ANXA8: variants seen among roughly 807,000 people sequenced by gnomAD.
The protein encoded by ANXA8 is VAC-beta.
Under a neutral mutation model 26.8 loss-of-function variants are expected in ANXA8, and 9 were observed. The observed-to-expected ratio is 0.34, with a 90% confidence interval of 0.20 to 0.59. ANXA8 has a LOEUF of 0.59. Among genes scored for constraint, ANXA8 ranks in the 20% least tolerant of loss-of-function variants. ANXA8 has a pLI of 0.84. For synonymous variants in ANXA8, 39 were observed against 94.8 expected, an observed-to-expected ratio of 0.41 and a Z score of 3.42; for missense variants, 83 against 238.5, an observed-to-expected ratio of 0.35 and a Z score of 4.29.
At chr10:47,682,763 C>T in the ANXA8 span, among the ~76,000 whole-genome samples, 4 of 152,040 alleles carry the variant, frequency 2.6e-5, no homozygotes, top group Admixed American at 2.6e-4. Context: ...ACCCACTGCA[C>T]CTGGCCTCAC....
the ANXA8 span, among the ~76,000 whole-genome samples, chr10:47,658,894 CAG>C: frequency 7.1e-6 from 1 of 141,702 alleles, no homozygotes; most frequent in South Asian, 2.1e-4. Context: ...TTATTTGAGA[CAG>C]AGTCTTGCTC....
the ANXA8 span, among the ~76,000 whole-genome samples, chr10:47,578,178 T>C: frequency 3.7e-5 from 2 of 54,200 alleles, 1 homozygote; most frequent in African/African-American, 1.2e-4. Context: ...TTGCTGTGTG[T>C]GATGGCACGT....
At chr10:47,767,891 T>C in the ANXA8 span, among the ~76,000 whole-genome samples, 1 of 148,656 alleles carries the variant, frequency 6.7e-6, no homozygotes, top group African/African-American at 2.5e-5. Context: ...TGGGGACCTA[T>C]GTTGTCCTGG....
At chr10:47,554,434 G>A in the ANXA8 span, among the ~76,000 whole-genome samples, 1 of 151,030 alleles carries the variant, frequency 6.6e-6, no homozygotes, top group Non-Finnish European at 1.5e-5. Flanking sequence ...CCCGGGAAAG[G>A]GGCTTTCCCT....
the ANXA8 span, among the ~76,000 whole-genome samples, chr10:47,974,569 T>C: frequency 0.75 from 107,511 of 143,692 alleles, 40,600 homozygotes; most frequent in Non-Finnish European, 0.84. Context: ...GCTTTGGCTG[T>C]ATCCCAGAGA....
the ANXA8 span, among the ~76,000 whole-genome samples, chr10:47,749,264 A>AAG: frequency 8.0e-6 from 1 of 124,880 alleles, no homozygotes; most frequent in East Asian, 2.5e-4. Flanking sequence ...ACACAAAAAA[A>AAG]CCTGAGAAAA....
chr10:47,672,494 T>C, the ANXA8 span, among the ~76,000 whole-genome samples: 5 of 151,628 alleles, frequency 3.3e-5, no homozygotes, highest in Non-Finnish European at 5.9e-5. Flanking sequence ...TAAAACAAGC[T>C]TAAACTTATA....
the ANXA8 span, among the ~76,000 whole-genome samples, chr10:47,673,256 G>A: frequency 1.5e-4 from 22 of 151,662 alleles, no homozygotes; most frequent in African/African-American, 5.4e-4. Flanking sequence ...GATAATACCT[G>A]AGGCATTTGG....
chr10:47,739,910 T>C, the ANXA8 span, among the ~76,000 whole-genome samples: 19 of 127,170 alleles, frequency 1.5e-4, no homozygotes, highest in African/African-American at 5.6e-4. Flanking sequence ...CTGGACAACA[T>C]AGCAAGATCT....
the ANXA8 span, among the ~76,000 whole-genome samples, chr10:47,733,143 A>ATCTTCCTT: frequency 2.0e-3 from 197 of 98,116 alleles, no homozygotes; most frequent in Admixed American, 2.9e-3. Context: ...CAACTCCCTA[A>ATCTTCCTT]TCTTTCTTTC....
chr10:47,653,102 A>G, the ANXA8 span, among the ~76,000 whole-genome samples: 1 of 150,792 alleles, frequency 6.6e-6, no homozygotes, highest in South Asian at 2.1e-4. Context: ...ATCTGAGGTT[A>G]GGAGTTCGAG....
chr10:47,693,110 T>C, the ANXA8 span, among the ~76,000 whole-genome samples: 1 of 151,594 alleles, frequency 6.6e-6, no homozygotes, highest in Non-Finnish European at 1.5e-5. Context: ...ACATGGTGTA[T>C]TAGAGCAGGA....
chr10:47,918,383 G>GAGAGAGAGAA, the ANXA8 span, among the ~76,000 whole-genome samples: 2 of 10,502 alleles, frequency 1.9e-4, no homozygotes, highest in East Asian at 2.6e-3. Flanking sequence ...GAGAGAGAGA[G>GAGAGAGAGAA]AGAAAGAAAG....
chr10:47,950,726 A>G, the ANXA8 span, among the ~76,000 whole-genome samples: 2 of 151,046 alleles, frequency 1.3e-5, no homozygotes, highest in Non-Finnish European at 2.9e-5. Flanking sequence ...ATGCTTTTAA[A>G]TAATACATGG....
the ANXA8 span, among the ~76,000 whole-genome samples, chr10:47,984,450 CA>C: frequency 2.2e-5 from 3 of 138,528 alleles, no homozygotes; most frequent in African/African-American, 8.0e-5. Flanking sequence ...TTCTACAAAA[CA>C]ATATCAAAAC....
chr10:47,718,484 AT>A, the ANXA8 span, among the ~76,000 whole-genome samples: 1 of 86,028 alleles, frequency 1.2e-5, no homozygotes, highest in Non-Finnish European at 2.3e-5. Flanking sequence ...ACAACAAAAA[AT>A]AATAATTTTG....
At chr10:47,776,226 AT>A in the ANXA8 span, among the ~76,000 whole-genome samples, 1,883 of 148,782 alleles carry the variant, frequency 0.013, 20 homozygotes, top group African/African-American at 0.043. Flanking sequence ...TAACAAACCC[AT>A]TTTTTCCCCC....
the ANXA8 span, among the ~76,000 whole-genome samples, chr10:47,627,394 C>A: frequency 6.7e-6 from 1 of 150,226 alleles, no homozygotes; most frequent in Admixed American, 6.6e-5. Context: ...TTCTCTCAAA[C>A]TGTGATAAAG....
chr10:47,556,442 C>T, the ANXA8 span, among the ~76,000 whole-genome samples: 17 of 152,048 alleles, frequency 1.1e-4, no homozygotes, highest in South Asian at 4.2e-4. Context: ...GCATCATTTC[C>T]GTTTCCAAGA....
Sources: gnomAD v4.1 joint callset for allele counts (sites outside exome capture counted in the v4.1 genomes callset) on GRCh38, gnomAD v4.1.1 for gene constraint, MANE v1.5 for transcripts, NCBI Gene and HGNC (gene_info 2026-07-23, HGNC 2026-07-21) for gene names.